The following EXOC5 variants were observed in gnomAD, a reference collection of about 807,000 sequenced individuals.
The protein encoded by EXOC5 is exocyst complex component 5.
A neutral mutation model predicts 90.8 loss-of-function variants in EXOC5; 17 were observed. The observed-to-expected ratio is 0.19, with a 90% CI of 0.13 to 0.28. The LOEUF (loss-of-function observed/expected upper bound fraction) is 0.28. Among genes scored for constraint, EXOC5 ranks in the 10% least tolerant of loss-of-function variants. EXOC5 has a pLI of 1.00. For synonymous variants in EXOC5, 260 were observed against 270.0 expected, an observed-to-expected ratio of 0.96 and a Z score of 0.36; for missense variants, 569 against 830.6, an observed-to-expected ratio of 0.69 and a Z score of 3.87.
chr14:57,211,064 G>A (rs1417195978), intron 15 of EXOC5, among the ~76,000 whole-genome samples: 1 of 151,784 alleles, frequency 6.6e-6, no homozygotes, highest in Non-Finnish European at 1.5e-5. Context: ...CATTAATAAT[G>A]GTTTTTGTCT....
chr14:57,254,095 G>C (rs983146479), intron 1 of EXOC5, among the ~76,000 whole-genome samples: 3 of 152,134 alleles, frequency 2.0e-5, no homozygotes, highest in Non-Finnish European at 2.9e-5. Flanking sequence ...GGACTGAACA[G>C]ATGTTTCTCC....
chr14:57,264,126 C>A lies in EXOC5; in HGVS notation c.27+4496G>T, dbSNP rs1048139862. ...ACCTGGAATGTCTGGCCTACAGATTCATTCAACGTTTGCAGAATGAATACA... is the reference window on the plus strand; with the variant it reads ...ACCTGGAATGTCTGGCCTACAGATTAATTCAACGTTTGCAGAATGAATACA... On this transcript the variant is annotated intron_variant, in intron 1 of 17. Coordinates refer to ENST00000621441, the MANE Select transcript of EXOC5 (RefSeq NM_006544.4). 1.1e-4 allele frequency among the ~76,000 whole-genome samples: 17 copies of A among 152,208 alleles called. 1 individual carries two copies. Among genetic ancestry groups the A allele is most frequent in the Admixed American group, 1.1e-3 (17 of 15,282 alleles).
intron 12 of EXOC5, among the ~76,000 whole-genome samples, chr14:57,224,303 G>T (rs538389198): frequency 6.6e-6 from 1 of 151,698 alleles, no homozygotes; most frequent in South Asian, 2.1e-4. Context: ...TTCTTCGGGG[G>T]GAAATAAATC....
intron 1 of EXOC5, among the ~76,000 whole-genome samples, chr14:57,262,742 T>TGG (rs1884552115): frequency 2.0e-5 from 2 of 100,468 alleles, no homozygotes; most frequent in African/African-American, 1.7e-4. Flanking sequence ...CGTATATATG[T>TGG]GTGTGTGTAT....
chr14:57,222,247 A>T, intron 13 of EXOC5, 61 bp downstream of exon 13: 2 of 787,582 alleles, frequency 2.5e-6, no homozygotes, highest in South Asian at 3.8e-5. Context: ...AACATTATGC[A>T]TATAGTTTAA....
chr14:57,266,705 TTA>T (rs3049820), intron 1 of EXOC5, among the ~76,000 whole-genome samples: 100,259 of 148,698 alleles, frequency 0.67, 35,751 homozygotes, highest in African/African-American at 0.92. Flanking sequence ...TATATATACG[TTA>T]TATATATATA....
intron 1 of EXOC5, among the ~76,000 whole-genome samples, chr14:57,260,824 T>C (rs893719207): frequency 6.6e-6 from 1 of 152,194 alleles, no homozygotes; most frequent in South Asian, 2.1e-4. Flanking sequence ...CACTCTATTA[T>C]AGTGCCTTTA....
At position 57,235,831 on chromosome 14, in the gene EXOC5, A is replaced by G; in HGVS notation, c.560-11T>C. The G allele has an allele frequency of 7.0e-7, 1 of 1,422,600 alleles. No homozygotes were observed. Among genetic ancestry groups the G allele is most frequent in the East Asian group, 2.5e-5 (1 of 40,596 alleles). 88.1% of individuals were successfully genotyped at this position (1,422,600 alleles called of 1,614,324 possible). ...AATCATGGTATTTACCTAAAAATAA[A>G]GTCATTCAGCTACACTGAGGCATAC... On this transcript the variant is annotated splice_polypyrimidine_tract_variant and intron_variant, in intron 6 of 17. Coordinates refer to ENST00000621441, the MANE Select transcript of EXOC5 (RefSeq NM_006544.4).
intron 15 of EXOC5, among the ~76,000 whole-genome samples, chr14:57,210,540 A>G (rs559316934): frequency 1.3e-3 from 197 of 152,296 alleles, no homozygotes; most frequent in African/African-American, 4.6e-3. Context: ...TATCTTATAC[A>G]TGTAGACTGA....
chr14:57,213,174 G>A (rs1032120841), intron 15 of EXOC5, among the ~76,000 whole-genome samples: 3 of 151,816 alleles, frequency 2.0e-5, no homozygotes, highest in African/African-American at 7.3e-5. Context: ...CTTGAGCCCA[G>A]GAATTCAAGA....
chr14:57,249,365 T>C (rs1239383848), intron 1 of EXOC5, among the ~76,000 whole-genome samples: 1 of 152,186 alleles, frequency 6.6e-6, no homozygotes, highest in East Asian at 1.9e-4. Context: ...TTATGTGTTA[T>C]TAATTTTATG....
At chr14:57,244,433 C>T in intron 3 of EXOC5, 74 bp from the exon 4 acceptor site, 1 of 1,006,506 alleles carries the variant, frequency 9.9e-7, no homozygotes, top group South Asian at 1.4e-5. Context: ...ACTCTTATTG[C>T]TACTAACTAA....
rs112244602 is a variant in EXOC5 at position 57,252,087 on chromosome 14, G to A, written c.28-4375C>T. On this transcript the variant is annotated intron_variant, in intron 1 of 17. Coordinates refer to ENST00000621441, the MANE Select transcript of EXOC5 (RefSeq NM_006544.4). The stretch of plus-strand genomic sequence containing the variant: ...ATCAAAAATCTCCCAACAGAGAAAA[G>A]CCCTGGAACTCATGCCTTCACTGTT... Among the ~76,000 whole-genome samples, 77 of 152,232 alleles carry A rather than the reference G, an allele frequency of 5.1e-4. 1 individual carries two copies. Among genetic ancestry groups the A allele is most frequent in the African/African-American group, 1.8e-3 (74 of 41,546 alleles).
Position 57,209,564 on chromosome 14 carries a change from T to C in EXOC5, c.1938+3A>G, listed in dbSNP as rs1422149965. 1 of 1,589,006 alleles carries C rather than the reference T, an allele frequency of 6.3e-7. No individual in the cohort carries two copies. The highest frequency in any genetic ancestry group is 1.1e-5 in the South Asian group (1 of 90,080). On this transcript the variant is annotated splice_donor_region_variant and intron_variant, in intron 17 of 17. Coordinates refer to ENST00000621441, the MANE Select transcript of EXOC5 (RefSeq NM_006544.4). ...CAAGTTTGATGTTTTTGTGTACACATACCTTGAAGTCTTTGGCACACTTCC... is the reference window on the plus strand; with the variant it reads ...CAAGTTTGATGTTTTTGTGTACACACACCTTGAAGTCTTTGGCACACTTCC...
chr14:57,262,305 G>A (rs1438976812), intron 1 of EXOC5, among the ~76,000 whole-genome samples: 1 of 152,018 alleles, frequency 6.6e-6, no homozygotes. Context: ...TTACAGATGA[G>A]AAAACTGAGG....
At chr14:57,224,346 C>A (rs542733506) in intron 12 of EXOC5, among the ~76,000 whole-genome samples, 5 of 151,380 alleles carry the variant, frequency 3.3e-5, no homozygotes, top group African/African-American at 1.2e-4. Flanking sequence ...CCAGATTGAT[C>A]AGAAAAAAAA....
chr14:57,252,711 C>G (rs767350409), intron 1 of EXOC5, among the ~76,000 whole-genome samples: 1 of 151,920 alleles, frequency 6.6e-6, no homozygotes, highest in East Asian at 1.9e-4. Context: ...ACAGCCATTA[C>G]GAAAAATGTT....
At chr14:57,230,482 C>T (rs1288124690) in intron 11 of EXOC5, among the ~76,000 whole-genome samples, 1 of 151,810 alleles carries the variant, frequency 6.6e-6, no homozygotes, top group Non-Finnish European at 1.5e-5. Context: ...ATTAGTTTTC[C>T]TCTTCCCTTC....
At chr14:57,214,079 A>G (rs1265761924) in intron 15 of EXOC5, among the ~76,000 whole-genome samples, 1 of 152,072 alleles carries the variant, frequency 6.6e-6, no homozygotes, top group Non-Finnish European at 1.5e-5. Context: ...TCTTTATACC[A>G]CAGAGCACAG....
Sources: gnomAD v4.1 joint callset for allele counts (sites outside exome capture counted in the v4.1 genomes callset) on GRCh38, gnomAD v4.1.1 for gene constraint, MANE v1.5 for transcripts, NCBI Gene and HGNC (gene_info 2026-07-23, HGNC 2026-07-21) for gene names.